RC3H2: variants seen among roughly 807,000 people sequenced by gnomAD.
RC3H2 encodes ring finger and CCCH-type domains 2.
Under a neutral mutation model 133.3 loss-of-function variants are expected in RC3H2, and 31 were observed. The ratio of observed to expected loss-of-function variants is 0.23; its 90% CI spans 0.17 to 0.31. RC3H2 has a LOEUF of 0.31. Among genes scored for constraint, RC3H2 ranks in the 10% least tolerant of loss-of-function variants. The pLI is 1.00. For missense variants in RC3H2, 1,175 were observed against 1,437.2 expected (o/e 0.82, Z 2.95); for synonymous variants, 517 against 502.2 (o/e 1.03, Z -0.40).
At chr9:122,862,288 T>C (rs1830486667) in intron 10 of RC3H2, among the ~76,000 whole-genome samples, 1 of 152,124 alleles carries the variant, frequency 6.6e-6, no homozygotes, top group South Asian at 2.1e-4. Flanking sequence ...TCTCAAAAAT[T>C]GGAACTTATA....
Position 122,851,336 on chromosome 9 carries a change from C to T in RC3H2, c.3218G>A (p.Ser1073Asn). 1.2e-6 allele frequency: 2 copies of T among 1,614,084 alleles called. No individual in the cohort carries two copies. The highest frequency in any genetic ancestry group is 2.2e-5 in the East Asian group (1 of 44,892). Residue 1073 changes from serine to asparagine, a missense_variant, in exon 19 of 21, where the codon AGT (serine) becomes AAT (asparagine). Transcript: ENST00000357244. ...TGTGGCACTTACTTCAATTGGTTCACTTTGTCCATCAGGTTCATCAGTATC... is the reference window on the plus strand; with the variant it reads ...TGTGGCACTTACTTCAATTGGTTCATTTTGTCCATCAGGTTCATCAGTATC... ...ALDTDEPDGQ[S>N]EPIEEILDIQ...
chr9:122,889,427 A>G (rs568236043), intron 4 of RC3H2, among the ~76,000 whole-genome samples: 195 of 152,238 alleles, frequency 1.3e-3, no homozygotes, highest in African/African-American at 4.5e-3. Context: ...CTTTTTCCGC[A>G]TTTTGATCTA....
chr9:122,857,088 A>T (rs1293129711), intron 13 of RC3H2, among the ~76,000 whole-genome samples: 1 of 152,210 alleles, frequency 6.6e-6, no homozygotes, highest in African/African-American at 2.4e-5. Context: ...TCCAGGGGGA[A>T]GAGGGGGTAT....
rs1256986996 is a variant in RC3H2, at chr9:122,852,135, G to A, written c.3118-699C>T. On this transcript the variant is annotated intron_variant, in intron 18 of 20. Transcript: ENST00000357244. ...GCCCGTCGTCTGGGATGTGGGGAGC[G>A]CCTCTGCCCCGCCGCCCTGTCTGGG... Among the ~76,000 whole-genome samples the A allele has an allele frequency of 3.5e-5, 5 of 144,186 alleles. No homozygotes were observed. The East Asian group carries it at 8.3e-4, about 24-fold the overall frequency. 94.6% of individuals were successfully genotyped at this position (144,186 alleles called of 152,430 possible). A position where few individuals can be genotyped will look rare whatever the true frequency, so the allele number is the denominator to read the frequency against.
intron 10 of RC3H2, among the ~76,000 whole-genome samples, chr9:122,861,769 T>A (rs1830465742): frequency 6.6e-6 from 1 of 152,224 alleles, no homozygotes; most frequent in Admixed American, 6.5e-5. Flanking sequence ...GGGCTGCCTT[T>A]AAGTTTATCA....
intron 18 of RC3H2, among the ~76,000 whole-genome samples, chr9:122,852,370 T>C (rs1472393551): frequency 1.4e-5 from 2 of 144,410 alleles, no homozygotes; most frequent in African/African-American, 2.6e-5. Flanking sequence ...GTGAGGAGCG[T>C]CTCCGCCCGG....
At chr9:122,878,265 T>G (rs556811500) in intron 8 of RC3H2, among the ~76,000 whole-genome samples, 1 of 152,156 alleles carries the variant, frequency 6.6e-6, no homozygotes, top group Admixed American at 6.6e-5. Flanking sequence ...CAACCTTTTT[T>G]ATTTTTTATT....
intron 10 of RC3H2, among the ~76,000 whole-genome samples, chr9:122,862,540 C>G (rs1441390711): frequency 6.6e-6 from 1 of 152,160 alleles, no homozygotes; most frequent in Non-Finnish European, 1.5e-5. Flanking sequence ...TATTCTTTTT[C>G]CTGTGTTCCA....
chr9:122,849,834 G>T lies in RC3H2; in HGVS notation c.3381-12C>A, dbSNP rs1829954273. The T allele has an allele frequency of 1.9e-6, 3 of 1,545,350 alleles. No homozygotes were observed. The highest frequency in any genetic ancestry group is 1.7e-4 in the Middle Eastern group (1 of 5,750). On this transcript the variant is annotated splice_polypyrimidine_tract_variant and intron_variant, in intron 20 of 20. Coordinates refer to ENST00000357244, the MANE Select transcript of RC3H2 (RefSeq NM_001100588.3). ...TTTTTTGCTCCTCCCTGAGAAAAAAGAAATGACATTAAAAACAAATTAGCT... is the reference window on the plus strand; with the variant it reads ...TTTTTTGCTCCTCCCTGAGAAAAAATAAATGACATTAAAAACAAATTAGCT...
intron 2 of RC3H2, among the ~76,000 whole-genome samples, chr9:122,896,565 T>C (rs1303405290): frequency 2.0e-5 from 3 of 152,228 alleles, no homozygotes; most frequent in African/African-American, 7.2e-5. Flanking sequence ...AAGAAAATCT[T>C]TCGCAGAATA....
At chr9:122,859,845 T>C (rs918183909) in intron 11 of RC3H2, 72 bp downstream of exon 11, 2 of 1,250,188 alleles carry the variant, frequency 1.6e-6, no homozygotes, top group Non-Finnish European at 2.3e-6. Flanking sequence ...GTAGACATTC[T>C]AGAACTATTC....
chr9:122,853,991 T>C lies in RC3H2; in HGVS notation c.3078A>G (p.Leu1026=), dbSNP rs374284481. Residue 1026 remains leucine (L), a synonymous_variant, in exon 18 of 21, where the codon TTA becomes TTG. Coordinates refer to ENST00000357244, the MANE Select transcript of RC3H2 (RefSeq NM_001100588.3). The part of the protein sequence containing the change: ...NSLDEGRHLT[L]NLLSKEIELR... The stretch of plus-strand genomic sequence containing the variant: ...GTTCAATTTCCTTGCTTAAAAGGTT[T>C]AAGGTAAGGTGACGGCCTTCATCCA... 4 of 1,614,126 alleles carry C rather than the reference T, an allele frequency of 2.5e-6. No homozygotes were observed. The highest frequency in any genetic ancestry group is 3.4e-6 in the Non-Finnish European group (4 of 1,180,046).
At chr9:122,869,686 T>TG (rs1463916119) in intron 9 of RC3H2, among the ~76,000 whole-genome samples, 1 of 151,552 alleles carries the variant, frequency 6.6e-6, no homozygotes, top group Non-Finnish European at 1.5e-5. Context: ...CCTCAGCCTC[T>TG]GGAGTACAGG....
At chr9:122,864,476 A>G (rs1008889330) in intron 10 of RC3H2, among the ~76,000 whole-genome samples, 1 of 152,186 alleles carries the variant, frequency 6.6e-6, no homozygotes, top group Non-Finnish European at 1.5e-5. Context: ...CTCGCAACCA[A>G]CATATGAAGT....
chr9:122,857,610 C>G (rs576926733), intron 13 of RC3H2, among the ~76,000 whole-genome samples: 1 of 152,264 alleles, frequency 6.6e-6, no homozygotes, highest in East Asian at 1.9e-4. Context: ...TGCAAATGTA[C>G]TAATACAGTG....
intron 2 of RC3H2, among the ~76,000 whole-genome samples, chr9:122,895,763 A>G (rs1158628640): frequency 2.0e-5 from 3 of 152,198 alleles, no homozygotes; most frequent in Non-Finnish European, 2.9e-5. Context: ...TCTGGCTTTA[A>G]TATGTAGCAC....
At chr9:122,866,077 G>A (rs900371259) in intron 9 of RC3H2, among the ~76,000 whole-genome samples, 2 of 152,264 alleles carry the variant, frequency 1.3e-5, no homozygotes, top group East Asian at 1.9e-4. Context: ...GAAAAGGTAT[G>A]CAAGAGCTGA....
chr9:122,892,268 T>C (rs1014261462), intron 3 of RC3H2, among the ~76,000 whole-genome samples: 2 of 152,090 alleles, frequency 1.3e-5, no homozygotes, highest in Non-Finnish European at 2.9e-5. Context: ...TGTGTCACCA[T>C]GCCCAGCTAA....
intron 20 of RC3H2, among the ~76,000 whole-genome samples, chr9:122,850,288 T>C (rs1363386796): frequency 1.3e-5 from 2 of 151,942 alleles, no homozygotes; most frequent in Admixed American, 6.6e-5. Context: ...AAAGTCCTGT[T>C]TTCCAAAAGT....
Sources: gnomAD v4.1 joint callset for allele counts (sites outside exome capture counted in the v4.1 genomes callset) on GRCh38, gnomAD v4.1.1 for gene constraint, MANE v1.5 for transcripts, NCBI Gene and HGNC (gene_info 2026-07-23, HGNC 2026-07-21) for gene names.